The following MDGA2 variants were observed in gnomAD, a reference collection of about 807,000 sequenced individuals.
MDGA2 encodes MAM domain-containing glycosylphosphatidylinositol anchor protein 2.
MDGA2 carries 40 observed loss-of-function variants against 117.8 expected under a neutral mutation model. That is an observed-to-expected ratio of 0.34 (90% CI 0.26 to 0.44). MDGA2 has a LOEUF of 0.44. Among genes scored for constraint, MDGA2 ranks in the 20% least tolerant of loss-of-function variants. MDGA2 has a pLI of 1.00. For missense variants in MDGA2, 1,123 were observed against 1,250.6 expected, an observed-to-expected ratio of 0.90 and a Z score of 1.54; for synonymous variants, 452 against 439.0, an observed-to-expected ratio of 1.03 and a Z score of -0.37.
Position 47,035,798 on chromosome 14 carries a change from T to G in MDGA2, c.1526-494A>C, listed in dbSNP as rs561456073. Among the ~76,000 whole-genome samples, 389 of 152,272 alleles carry G rather than the reference T, an allele frequency of 2.6e-3. 2 individuals are homozygous for G. Among genetic ancestry groups the G allele is most frequent in the African/African-American group, 8.8e-3 (365 of 41,552 alleles). ...CCTAGTGGGAGTGAAATCAAGCAAT[T>G]TGAAAATCCATTCTATTCTCCATTT... is the stretch of plus-strand genomic sequence containing the variant. On this transcript the variant is annotated intron_variant, in intron 7 of 16. Coordinates refer to ENST00000399232, the MANE Select transcript of MDGA2 (RefSeq NM_001113498.3).
At chr14:46,872,245 T>C (rs1232082574) in intron 14 of MDGA2, among the ~76,000 whole-genome samples, 4 of 151,958 alleles carry the variant, frequency 2.6e-5, no homozygotes, top group African/African-American at 9.7e-5. Flanking sequence ...ATGTGTCCAA[T>C]TGTATTAGTT....
chr14:47,569,837 T>C (rs979505361), intron 1 of MDGA2, among the ~76,000 whole-genome samples: 1 of 152,214 alleles, frequency 6.6e-6, no homozygotes, highest in African/African-American at 2.4e-5. Context: ...TAATAACTTC[T>C]AATGTTTTAA....
chr14:47,555,720 A>T (rs1244630353), intron 1 of MDGA2, among the ~76,000 whole-genome samples: 1 of 152,200 alleles, frequency 6.6e-6, no homozygotes, highest in African/African-American at 2.4e-5. Flanking sequence ...TCCCACAATT[A>T]AATAATTAAG....
chr14:47,420,384 T>C (rs941109022), intron 1 of MDGA2, among the ~76,000 whole-genome samples: 1 of 152,156 alleles, frequency 6.6e-6, no homozygotes, highest in Non-Finnish European at 1.5e-5. Context: ...GAAACAGCAG[T>C]ATCTGTTGTA....
At chr14:47,186,115 A>T (rs1355241979) in intron 3 of MDGA2, among the ~76,000 whole-genome samples, 1 of 151,682 alleles carries the variant, frequency 6.6e-6, no homozygotes, top group Non-Finnish European at 1.5e-5. Flanking sequence ...TAAACAAAAT[A>T]AATTCAAAAC....
Position 47,241,294 on chromosome 14 carries a change from T to C in MDGA2, c.421-23099A>G, listed in dbSNP as rs532604573. Reference sequence around the variant, plus strand: ...TGGTTGGAGGCACATGCAGGCAAAATGGTGAAACCATTGCTCTCCTTCAGG... The same window carrying C: ...TGGTTGGAGGCACATGCAGGCAAAACGGTGAAACCATTGCTCTCCTTCAGG... On this transcript the variant is annotated intron_variant, in intron 2 of 16. Coordinates refer to ENST00000399232, the MANE Select transcript of MDGA2 (RefSeq NM_001113498.3). Among the ~76,000 whole-genome samples the C allele has an allele frequency of 3.2e-4, 48 of 151,966 alleles. 1 individual carries two copies. The South Asian group carries it at 6.9e-3, about 22-fold the overall frequency.
chr14:47,296,694 T>C (rs1012857695), intron 2 of MDGA2, among the ~76,000 whole-genome samples: 1 of 152,190 alleles, frequency 6.6e-6, no homozygotes, highest in Admixed American at 6.5e-5. Context: ...TAATTCCATT[T>C]TGAGGAAGGA....
chr14:46,954,039 T>C (rs983213998), intron 9 of MDGA2, among the ~76,000 whole-genome samples: 2 of 152,066 alleles, frequency 1.3e-5, no homozygotes, highest in Non-Finnish European at 2.9e-5. Context: ...AACATTTCAA[T>C]GTTGAAGCAT....
intron 2 of MDGA2, among the ~76,000 whole-genome samples, chr14:47,269,523 T>A (rs939043025): frequency 5.9e-5 from 9 of 152,146 alleles, no homozygotes; most frequent in Non-Finnish European, 1.0e-4. Flanking sequence ...CAAGTAGCAT[T>A]TTTTATGAAA....
intron 2 of MDGA2, among the ~76,000 whole-genome samples, chr14:47,262,559 T>C (rs1294394793): frequency 6.6e-6 from 1 of 152,196 alleles, no homozygotes; most frequent in Non-Finnish European, 1.5e-5. Context: ...GAAATTCTGA[T>C]GTTTTTCTCC....
At chr14:47,148,006 G>A (rs1053924853) in intron 3 of MDGA2, among the ~76,000 whole-genome samples, 17 of 152,020 alleles carry the variant, frequency 1.1e-4, no homozygotes, top group African/African-American at 3.6e-4. Flanking sequence ...AGAGAATACC[G>A]AGAAATGACT....
intron 8 of MDGA2, among the ~76,000 whole-genome samples, chr14:47,032,966 C>T (rs538767717): frequency 6.6e-6 from 1 of 152,288 alleles, no homozygotes; most frequent in South Asian, 2.1e-4. Context: ...TGGATTATAA[C>T]CCCTGCTCTG....
chr14:47,295,259 C>T (rs1160249210), intron 2 of MDGA2, among the ~76,000 whole-genome samples: 1 of 152,138 alleles, frequency 6.6e-6, no homozygotes, highest in Non-Finnish European at 1.5e-5. Flanking sequence ...AGGTCAGTAT[C>T]TTCCAACCTT....
chr14:47,496,044 C>T (rs1438983267), intron 1 of MDGA2, among the ~76,000 whole-genome samples: 5 of 151,966 alleles, frequency 3.3e-5, no homozygotes, highest in African/African-American at 1.2e-4. Flanking sequence ...TCTTCACATA[C>T]TTAGTACATT....
chr14:46,912,812 T>G (rs1883756059), intron 10 of MDGA2, among the ~76,000 whole-genome samples: 1 of 152,188 alleles, frequency 6.6e-6, no homozygotes. Context: ...GACCCAGGTC[T>G]CTCAAATTTA....
intron 9 of MDGA2, among the ~76,000 whole-genome samples, chr14:46,924,802 C>T (rs1297475164): frequency 6.6e-6 from 1 of 152,030 alleles, no homozygotes; most frequent in Non-Finnish European, 1.5e-5. Context: ...TGCCAAACCT[C>T]TTTTTAGATG....
At chr14:47,627,912 C>T (rs1458541549) in intron 1 of MDGA2, among the ~76,000 whole-genome samples, 4 of 152,164 alleles carry the variant, frequency 2.6e-5, no homozygotes, top group South Asian at 2.1e-4. Context: ...CGCACACATC[C>T]GAACATCAGA....
At chr14:47,589,016 G>GT (rs1896386255) in intron 1 of MDGA2, among the ~76,000 whole-genome samples, 1 of 151,640 alleles carries the variant, frequency 6.6e-6, no homozygotes, top group South Asian at 2.1e-4. Flanking sequence ...CTCCTGCCTT[G>GT]TTTTTTCTCT....
intron 9 of MDGA2, among the ~76,000 whole-genome samples, chr14:46,927,132 T>C (rs1177792834): frequency 6.6e-6 from 1 of 152,164 alleles, no homozygotes; most frequent in South Asian, 2.1e-4. Context: ...TTCAAAGCCA[T>C]ATAAAAGTAT....
Sources: gnomAD v4.1 joint callset for allele counts (sites outside exome capture counted in the v4.1 genomes callset) on GRCh38, gnomAD v4.1.1 for gene constraint, MANE v1.5 for transcripts, NCBI Gene and HGNC (gene_info 2026-07-23, HGNC 2026-07-21) for gene names.